Variants in NTM observed in about 807,000 individuals in gnomAD.
NTM encodes IgLON family member 2.
A neutral mutation model predicts 42.1 loss-of-function variants in NTM; 13 were observed. The observed-to-expected ratio is 0.31, with a 90% confidence interval of 0.20 to 0.49. The LOEUF (loss-of-function observed/expected upper bound fraction) is 0.49, where lower values mean the gene tolerates loss of function less well. Ranked by LOEUF, NTM falls within the 20% of genes least tolerant of loss-of-function variation. The pLI, the probability that NTM is intolerant of heterozygous loss-of-function variation, is 0.99. For missense variants in NTM, 373 were observed against 452.8 expected (o/e 0.82, Z 1.60); for synonymous variants, 187 against 179.2 (o/e 1.04, Z -0.35).
intron 1 of NTM, among the ~76,000 whole-genome samples, chr11:131,428,880 CAAAAAAAAAAAA>C (rs35312475): frequency 1.2e-5 from 1 of 84,008 alleles, no homozygotes; most frequent in African/African-American, 4.7e-5. Flanking sequence ...ACTAAAAATA[CAAAAAAAAAAAA>C]AAAAAAAAAA....
intron 1 of NTM, among the ~76,000 whole-genome samples, chr11:131,730,452 C>A (rs933847902): frequency 3.3e-5 from 5 of 152,064 alleles, no homozygotes; most frequent in African/African-American, 1.2e-4. Flanking sequence ...CGGTGGCTCA[C>A]ATCTATAGCT....
chr11:131,778,941 C>A (rs555377974), intron 1 of NTM, among the ~76,000 whole-genome samples: 2 of 152,352 alleles, frequency 1.3e-5, no homozygotes, highest in Admixed American at 6.5e-5. Flanking sequence ...GATAGTCACC[C>A]CTGTGATTAC....
chr11:131,488,870 T>C (rs547118876), intron 1 of NTM, among the ~76,000 whole-genome samples: 8 of 152,334 alleles, frequency 5.3e-5, no homozygotes, highest in Admixed American at 5.2e-4. Context: ...GGTGATATAA[T>C]GCTAATACAA....
At chr11:131,785,856 A>G (rs929801857) in intron 1 of NTM, among the ~76,000 whole-genome samples, 2 of 152,258 alleles carry the variant, frequency 1.3e-5, no homozygotes, top group Non-Finnish European at 2.9e-5. Flanking sequence ...GTCAAATATC[A>G]GAAATATTAG....
chr11:131,391,225 A>C (rs1943947710), intron 1 of NTM, among the ~76,000 whole-genome samples: 1 of 152,136 alleles, frequency 6.6e-6, no homozygotes, highest in Non-Finnish European at 1.5e-5. Context: ...CCAGGTCTCT[A>C]TGTTTCCTGA....
At chr11:131,531,532 C>A (rs142166696) in intron 1 of NTM, among the ~76,000 whole-genome samples, 16 of 152,332 alleles carry the variant, frequency 1.1e-4, no homozygotes, top group Non-Finnish European at 1.8e-4. Context: ...GAAACACTTT[C>A]TTTTATCTTT....
intron 2 of NTM, among the ~76,000 whole-genome samples, chr11:132,024,069 C>T (rs986700392): frequency 1.2e-4 from 18 of 151,986 alleles, no homozygotes; most frequent in African/African-American, 2.9e-4. Flanking sequence ...CCGCCCACCT[C>T]GGGCTCCCCA....
In NTM at chr11:132,140,357, G is replaced by A. The variant is rs546331179; in HGVS notation, c.168-5925G>A. On this transcript the variant is annotated intron_variant, in intron 2 of 8. Transcript: ENST00000683400. ...CCTAATCCTTTCACCTGTATCATAA[G>A]TGTGCTGTCTGCTTCTACCTAGGCA... 8.5e-5 allele frequency among the ~76,000 whole-genome samples: 13 copies of A among 152,288 alleles called. No homozygotes were observed. The Middle Eastern group carries it at 0.017, about 199-fold the overall frequency.
At chr11:132,024,851 G>T (rs536644025) in intron 2 of NTM, among the ~76,000 whole-genome samples, 2 of 152,150 alleles carry the variant, frequency 1.3e-5, no homozygotes, top group Non-Finnish European at 2.9e-5. Context: ...CTCTGTGGAG[G>T]TTAGGAACAC....
chr11:131,919,616 G>A (rs1210546693), intron 2 of NTM, among the ~76,000 whole-genome samples: 2 of 152,072 alleles, frequency 1.3e-5, no homozygotes, highest in African/African-American at 2.4e-5. Context: ...GGCAAAATTT[G>A]TAATCTCTCC....
chr11:131,488,631 G>A (rs916465794), intron 1 of NTM, among the ~76,000 whole-genome samples: 3 of 152,160 alleles, frequency 2.0e-5, no homozygotes, highest in South Asian at 4.1e-4. Context: ...ATTCTTGGAG[G>A]CCTTTTTTTG....
intron 2 of NTM, among the ~76,000 whole-genome samples, chr11:131,948,975 C>A (rs1018464199): frequency 6.6e-6 from 1 of 152,176 alleles, no homozygotes; most frequent in Non-Finnish European, 1.5e-5. Flanking sequence ...CATTTGACAG[C>A]AACTCCACGT....
chr11:131,916,668 G>A (rs1476276284), intron 2 of NTM, among the ~76,000 whole-genome samples: 1 of 152,118 alleles, frequency 6.6e-6, no homozygotes, highest in African/African-American at 2.4e-5. Context: ...TAAGCAGATG[G>A]ATTCTCTGGT....
At position 131,543,358 on chromosome 11, in the gene NTM, TAGATC is replaced by T. The variant is rs535616140; in HGVS notation, c.82+172474_82+172478del. On this transcript the variant is annotated intron_variant, in intron 1 of 8. Transcript: ENST00000683400. Reference sequence around the variant, plus strand: ...CCAGAGAAACAAGAGAACAGACTGATAGATCAGAACACCAGATAATGTCTTCCCTT... The same window carrying T: ...CCAGAGAAACAAGAGAACAGACTGATAGAACACCAGATAATGTCTTCCCTT... 8.5e-5 allele frequency among the ~76,000 whole-genome samples: 13 copies of T among 152,312 alleles called. No homozygotes were observed. In the East Asian group the frequency reaches 1.7e-3, roughly 20 times the overall value.
chr11:131,921,103 T>G (rs1001813123), intron 2 of NTM, among the ~76,000 whole-genome samples: 2 of 152,230 alleles, frequency 1.3e-5, no homozygotes, highest in Non-Finnish European at 2.9e-5. Flanking sequence ...GAAATAGCAA[T>G]GCTGTGGTTT....
chr11:131,482,444 C>T (rs181493225), intron 1 of NTM, among the ~76,000 whole-genome samples: 13 of 152,292 alleles, frequency 8.5e-5, no homozygotes, highest in Non-Finnish European at 1.5e-4. Context: ...TCGACAAAAG[C>T]GTGACATCCT....
At chr11:131,427,497 A>T (rs1462993328) in intron 1 of NTM, among the ~76,000 whole-genome samples, 1 of 152,210 alleles carries the variant, frequency 6.6e-6, no homozygotes, top group Non-Finnish European at 1.5e-5. Context: ...ATCAGGATTT[A>T]CCTCACAGGG....
intron 3 of NTM, among the ~76,000 whole-genome samples, chr11:132,197,812 T>A (rs2080508130): frequency 6.6e-6 from 1 of 151,964 alleles, no homozygotes; most frequent in South Asian, 2.1e-4. Flanking sequence ...TCCATGTCCC[T>A]ACAAAGGACA....
At chr11:132,306,180 T>C (rs2095073121) in intron 4 of NTM, 2 of 152,202 alleles carry the variant, frequency 1.3e-5, no homozygotes, top group South Asian at 4.1e-4. Context: ...GTTGCTGTTG[T>C]TATTGTTATT....
Sources: allele counts gnomAD v4.1 joint callset (sites outside exome capture counted in the v4.1 genomes callset), GRCh38; gene constraint gnomAD v4.1.1; transcripts MANE v1.5; gene names NCBI Gene and HGNC (gene_info 2026-07-23, HGNC 2026-07-21).